Variants in LOXL2 observed in about 807,000 individuals in gnomAD.
LOXL2 encodes the protein lysyl oxidase like 2.
LOXL2 carries 70 observed loss-of-function variants against 93.0 expected under a neutral mutation model. That is an observed-to-expected ratio of 0.75 (90% CI 0.62 to 0.92). LOXL2 has a LOEUF of 0.92. Among genes scored for constraint, LOXL2 ranks in the 40% least tolerant of loss-of-function variants. The pLI is 0.00. For missense variants in LOXL2, 973 were observed against 1,054.9 expected, an observed-to-expected ratio of 0.92 and a Z score of 1.08; for synonymous variants, 438 against 413.2, an observed-to-expected ratio of 1.06 and a Z score of -0.73.
intron 9 of LOXL2, among the ~76,000 whole-genome samples, chr8:23,314,138 G>A (rs916963003): frequency 8.8e-4 from 134 of 152,236 alleles, no homozygotes; most frequent in African/African-American, 3.1e-3. Flanking sequence ...AAAAGTCAGG[G>A]AACAACAGGT....
At chr8:23,385,413 A>ATC in intron 1 of LOXL2, among the ~76,000 whole-genome samples, 1 of 136,316 alleles carries the variant, frequency 7.3e-6, no homozygotes, top group African/African-American at 2.7e-5. Context: ...CACCCAGCTA[A>ATC]TTTTTTTTTT....
Position 23,368,289 on chromosome 8 carries a change from G to C in LOXL2, c.63C>G (p.Pro21=), listed in dbSNP as rs775715944. ...SCLAMLALLS[P]LSLAQYDSWP... is the part of the protein sequence containing the mutation. Reference sequence around the variant, plus strand: ...AGCTGTCATACTGTGCCAGGCTCAGGGGGGACAGGAGGGCCAGCATAGCCA... The same window carrying C: ...AGCTGTCATACTGTGCCAGGCTCAGCGGGGACAGGAGGGCCAGCATAGCCA... The change falls in exon 2 of 14, where the codon CCC becomes CCG. Residue 21 remains proline, a synonymous_variant. Transcript: ENST00000389131. The C allele has an allele frequency of 1.9e-6, 3 of 1,613,564 alleles. No individual in the cohort carries two copies. Among genetic ancestry groups the C allele is most frequent in the East Asian group, 2.2e-5 (1 of 44,868 alleles).
rs536376426 is a variant in LOXL2 at position 23,403,021 on chromosome 8, A to G, written c.-84+933T>C. ...TTTGATGGTCTTAGCTCGGGCACGG[A>G]GAGGAGGGAACCTCGCTTGTTCTCC... On this transcript the variant is annotated intron_variant, in intron 1 of 13. Transcript: ENST00000389131. Among the ~76,000 whole-genome samples the G allele has an allele frequency of 1.2e-4, 18 of 152,054 alleles. 1 individual carries two copies. The South Asian group carries it at 3.5e-3, about 30-fold the overall frequency.
chr8:23,360,193 C>CA lies in LOXL2; in HGVS notation c.427dup (p.Trp143LeufsTer5). ...CGTGTGCTTGCAGTCAGTGACGCCC[C>CA]AGCCATTGGAGGTGCATGCTGCAAG... On this transcript the variant is annotated frameshift_variant, in exon 3 of 14. Transcript: ENST00000389131. LOFTEE classifies it high-confidence loss of function. 1 of 1,614,076 alleles carries CA rather than the reference C, an allele frequency of 6.2e-7. No homozygotes were observed. Among genetic ancestry groups the CA allele is most frequent in the East Asian group, 2.2e-5 (1 of 44,890 alleles).
At chr8:23,395,304 A>T (rs1299301483) in intron 1 of LOXL2, among the ~76,000 whole-genome samples, 6 of 148,664 alleles carry the variant, frequency 4.0e-5, no homozygotes, top group African/African-American at 1.5e-4. Flanking sequence ...AAGGGAAGTG[A>T]AAAAAGCCAG....
At chr8:23,318,902 G>T (rs1234115900) in intron 8 of LOXL2, among the ~76,000 whole-genome samples, 1 of 152,194 alleles carries the variant, frequency 6.6e-6, no homozygotes, top group Non-Finnish European at 1.5e-5. Flanking sequence ...CAGGGCTCAG[G>T]ACCTCCCATT....
chr8:23,328,505 T>G lies in LOXL2; in HGVS notation c.1027A>C (p.Lys343Gln). Reference sequence around the variant, plus strand: ...CAGACGGTCCCCCATTCTCCATTTTTGAGCACCTCCACGCGGCCCTCCCCG... The same window carrying G: ...CAGACGGTCCCCCATTCTCCATTTTGGAGCACCTCCACGCGGCCCTCCCCG... ...YIGEGRVEVL[K>Q]NGEWGTVCDD... The change falls in exon 6 of 14, where the codon AAA (lysine) becomes CAA (glutamine). Residue 343 changes from lysine to glutamine, a missense_variant. By Grantham distance (53) the Lys-to-Gln change is moderately conservative. Coordinates refer to ENST00000389131, the MANE Select transcript of LOXL2 (RefSeq NM_002318.3). 1 of 1,614,106 alleles carries G rather than the reference T, an allele frequency of 6.2e-7. No homozygotes were observed. The highest frequency in any genetic ancestry group is 8.5e-7 in the Non-Finnish European group (1 of 1,180,020).
intron 3 of LOXL2, among the ~76,000 whole-genome samples, chr8:23,356,835 G>T (rs1417400095): frequency 6.6e-6 from 1 of 152,182 alleles, no homozygotes; most frequent in Non-Finnish European, 1.5e-5. Context: ...CTGGAGATTT[G>T]TGAGGGCCCA....
chr8:23,385,235 ATTTTTTTTCTTTTT>A (rs1279429717), intron 1 of LOXL2, among the ~76,000 whole-genome samples: 1 of 137,502 alleles, frequency 7.3e-6, no homozygotes, highest in Non-Finnish European at 1.6e-5. Context: ...AGAAAGTTGG[ATTTTTTTTCTTTTT>A]TTTTTTTTTT....
intron 2 of LOXL2, chr8:23,364,176 C>CT (rs11461397): frequency 0.064 from 9,775 of 152,030 alleles, 634 homozygotes; most frequent in African/African-American, 0.16. Flanking sequence ...GCAAAGGGCC[C>CT]TTTTTTTTCC....
At chr8:23,323,473 C>T (rs1397232511) in intron 6 of LOXL2, among the ~76,000 whole-genome samples, 1 of 152,206 alleles carries the variant, frequency 6.6e-6, no homozygotes, top group Admixed American at 6.5e-5. Context: ...AGAAAAACCT[C>T]CAGCTTCCTC....
rs754695293 is a variant in LOXL2 at position 23,298,942 on chromosome 8, A to T, written c.2139T>A (p.Val713=). 6.3e-7 allele frequency: 1 copy of T among 1,598,896 alleles called. No homozygotes were observed. The highest frequency in any genetic ancestry group is 8.6e-7 in the Non-Finnish European group (1 of 1,166,368). Residue 713 remains valine, a synonymous_variant, in exon 13 of 14, where the codon GTT becomes GTA. Transcript: ENST00000389131. ...VPPGDYLFQV[V]INPNFEVAES... Reference sequence around the variant, plus strand: ...CTGCAACCTCGAAGTTGGGGTTAATAACAACCTAGGGAGAAGCAGGGCAGA... The same window carrying T: ...CTGCAACCTCGAAGTTGGGGTTAATTACAACCTAGGGAGAAGCAGGGCAGA...
chr8:23,400,185 G>A (rs1800138482), intron 1 of LOXL2, among the ~76,000 whole-genome samples: 1 of 152,214 alleles, frequency 6.6e-6, no homozygotes, highest in Non-Finnish European at 1.5e-5. Flanking sequence ...GCTAAAAGCA[G>A]AAGGCTCTGG....
In LOXL2 at chr8:23,297,736, GCTGATGACAAC is replaced by G. The variant is rs1803059738; in HGVS notation, c.*296_*306del. 3 of 232,842 alleles carry G rather than the reference GCTGATGACAAC, an allele frequency of 1.3e-5. No individual in the cohort carries two copies. The Admixed American group carries it at 1.8e-4, about 14-fold the overall frequency. The allele number at this position is 232,842 out of a possible 1,614,324, so 14.4% of individuals were successfully genotyped here. On this transcript the variant is annotated 3_prime_UTR_variant, in exon 14 of 14. Transcript: ENST00000389131. The stretch of plus-strand genomic sequence containing the variant: ...GAGCTCGGTGGCTTGAATGGGACAA[GCTGATGACAAC>G]CTGTCTGTGGGCCTCATCCCGGTCA...
intron 2 of LOXL2, chr8:23,366,044 G>C (rs2117211322): frequency 6.6e-6 from 1 of 152,264 alleles, no homozygotes; most frequent in East Asian, 1.9e-4. Flanking sequence ...GCTCCTGATA[G>C]GGAAAAACCA....
At chr8:23,391,248 AAC>A (rs1804839694) in intron 1 of LOXL2, among the ~76,000 whole-genome samples, 1 of 151,836 alleles carries the variant, frequency 6.6e-6, no homozygotes, top group Admixed American at 6.6e-5. Flanking sequence ...ACAAACAAAC[AAC>A]AACAAAACAA....
intron 10 of LOXL2, among the ~76,000 whole-genome samples, chr8:23,304,649 C>T (rs1002654257): frequency 2.0e-5 from 3 of 152,144 alleles, no homozygotes; most frequent in African/African-American, 7.2e-5. Flanking sequence ...AGATGAACGG[C>T]GTCAAATAAC....
chr8:23,331,037 G>A (rs1157348189), intron 5 of LOXL2, among the ~76,000 whole-genome samples: 1 of 152,188 alleles, frequency 6.6e-6, no homozygotes, highest in Non-Finnish European at 1.5e-5. Flanking sequence ...TCCTCTCACT[G>A]AAGGCTCAGT....
chr8:23,328,633 GC>G (rs750346852), intron 5 of LOXL2, 68 bp from the exon 6 acceptor site: 4 of 1,484,576 alleles, frequency 2.7e-6, no homozygotes, highest in Non-Finnish European at 3.7e-6. Flanking sequence ...CACTGTCCCC[GC>G]CCCCTCCCTT....
Sources: gnomAD v4.1 joint callset for allele counts (sites outside exome capture counted in the v4.1 genomes callset) on GRCh38, gnomAD v4.1.1 for gene constraint, MANE v1.5 for transcripts, NCBI Gene and HGNC (gene_info 2026-07-23, HGNC 2026-07-21) for gene names.